IRS2: variants seen among roughly 807,000 people sequenced by gnomAD.
IRS2 encodes insulin receptor substrate 2.
A neutral mutation model predicts 70.9 loss-of-function variants in IRS2; 28 were observed. That is an observed-to-expected ratio of 0.39 (90% CI 0.29 to 0.54). The LOEUF (loss-of-function observed/expected upper bound fraction) is 0.54. IRS2 is among the 20% of genes least tolerant of loss of function. The pLI, the probability that IRS2 is intolerant of heterozygous loss-of-function variation, is 0.59. For synonymous variants in IRS2, 1,217 were observed against 981.9 expected (o/e 1.24, Z -4.48); for missense variants, 2,081 against 2,024.1 (o/e 1.03, Z -0.54).
intron 1 of IRS2, among the ~76,000 whole-genome samples, chr13:109,780,130 C>A (rs1877664264): frequency 6.6e-6 from 1 of 152,178 alleles, no homozygotes; most frequent in African/African-American, 2.4e-5. Context: ...ACCAGCTCCA[C>A]TGAAAGCAGG....
At chr13:109,773,525 T>C (rs1439348276) in intron 1 of IRS2, among the ~76,000 whole-genome samples, 1 of 152,226 alleles carries the variant, frequency 6.6e-6, no homozygotes, top group Non-Finnish European at 1.5e-5. Flanking sequence ...CCGCCTTCAA[T>C]TCTGCTAGAT....
rs781421239 is a variant in IRS2 at position 109,782,267 on chromosome 13, C to G, written c.3787G>C (p.Gly1263Arg). The G allele has an allele frequency of 7.5e-6, 12 of 1,609,036 alleles. No individual in the cohort carries two copies. The highest frequency in any genetic ancestry group is 9.3e-6 in the Non-Finnish European group (11 of 1,178,592). The change falls in exon 1 of 2, where the codon GGG (glycine) becomes CGG (arginine). Residue 1263 changes from glycine (G) to arginine (R), a missense_variant. Physicochemically the swap from Gly to Arg is moderately radical, Grantham distance 125. Coordinates refer to ENST00000375856, the MANE Select transcript of IRS2 (RefSeq NM_003749.3). The stretch of plus-strand genomic sequence containing the variant: ...GGCGGCTGCGGCTGGGGTGGCAGCC[C>G]GGGCTCCTCCCTCACGTCGATGGCG... ...YIAIDVREEPGLPPQPQPPPP... is the reference protein window; with the variant it reads ...YIAIDVREEPRLPPQPQPPPP...
At position 109,782,136 on chromosome 13, in the gene IRS2, G is replaced by A. The variant is rs767368180; in HGVS notation, c.3918C>T (p.Cys1306=). ...GCAGGGCACCGGGACCCGGCCCCCC[G>A]CACCCGCCGCCGGTGCTGCCGACGC... ...AVGVGSTGGG[C]GGPGPGALPP... The change falls in exon 1 of 2, where the codon TGC becomes TGT. Residue 1306 remains cysteine, a synonymous_variant. Coordinates refer to ENST00000375856, the MANE Select transcript of IRS2 (RefSeq NM_003749.3). The A allele has an allele frequency of 3.1e-6, 5 of 1,604,768 alleles. No individual in the cohort carries two copies. The highest frequency in any genetic ancestry group is 2.7e-5 in the African/African-American group (2 of 74,760).
At chr13:109,763,077 A>G (rs1243960461) in intron 1 of IRS2, among the ~76,000 whole-genome samples, 1 of 152,210 alleles carries the variant, frequency 6.6e-6, no homozygotes. Flanking sequence ...TGTGACAGAG[A>G]CTGCATGGCA....
rs565561954 is a variant in IRS2, at chr13:109,786,176, G to T, written c.-123C>A. On this transcript the variant is annotated 5_prime_UTR_variant, in exon 1 of 2. Coordinates refer to ENST00000375856, the MANE Select transcript of IRS2 (RefSeq NM_003749.3). This position sits in a 1 kb window ranked among gnomAD's most constrained non-coding sequence, Gnocchi z 4.4. ...CGCCCGGCCGCCCGCCCGATCACGCGTCCCTCGGGCCCAGGCGGTGGGGAA... is the reference window on the plus strand; with the variant it reads ...CGCCCGGCCGCCCGCCCGATCACGCTTCCCTCGGGCCCAGGCGGTGGGGAA... The T allele has an allele frequency of 1.6e-4, 74 of 472,628 alleles. 1 individual carries two copies. In the South Asian group the frequency reaches 6.1e-3, roughly 39 times the overall value. The allele number at this position is 472,628 out of a possible 1,614,324, so 29.3% of individuals were successfully genotyped here. A position where few individuals can be genotyped will look rare whatever the true frequency, so the allele number is the denominator to read the frequency against.
chr13:109,783,232 G>A lies in IRS2; in HGVS notation c.2822C>T (p.Ser941Leu), dbSNP rs1877779486. The stretch of plus-strand genomic sequence containing the variant: ...CAAGAGCGAGGAGGACGAGGCCGCC[G>A]ACGCCAGCAGGGGAGGCGCGGGCGG... Reference protein sequence around the residue: ...LSPPAPPLLASAASSSSLLSA... With the variant: ...LSPPAPPLLALAASSSSLLSA... The change falls in exon 1 of 2, where the codon TCG becomes TTG. Residue 941 changes from serine (S) to leucine (L), a missense_variant. By Grantham distance (145) the Ser-to-Leu change is moderately radical (BLOSUM62 -2). This residue lies in a region of IRS2 where 1,615 missense variants were observed against 1,459.5 expected (regional missense o/e 1.11). Transcript: ENST00000375856. 7 of 1,450,192 alleles carry A rather than the reference G, an allele frequency of 4.8e-6. No homozygotes were observed. The highest frequency in any genetic ancestry group is 1.9e-4 in the Middle Eastern group (1 of 5,282). The allele number at this position is 1,450,192 out of a possible 1,614,324, so 89.8% of individuals were successfully genotyped here.
chr13:109,769,699 C>T (rs796228767), intron 1 of IRS2, among the ~76,000 whole-genome samples: 3 of 152,214 alleles, frequency 2.0e-5, no homozygotes, highest in African/African-American at 7.2e-5. Flanking sequence ...AGGCAGACAG[C>T]TCACTGAAGA....
At chr13:109,779,596 T>A (rs1390113451) in intron 1 of IRS2, among the ~76,000 whole-genome samples, 1 of 152,254 alleles carries the variant, frequency 6.6e-6, no homozygotes, top group Non-Finnish European at 1.5e-5. Context: ...CCTTTCCTAT[T>A]CTGCTGTTCT....
At chr13:109,774,016 T>C (rs1431300535) in intron 1 of IRS2, among the ~76,000 whole-genome samples, 1 of 152,226 alleles carries the variant, frequency 6.6e-6, no homozygotes, top group Non-Finnish European at 1.5e-5. Flanking sequence ...AGCCTCTGTT[T>C]TCACAACCTT....
At chr13:109,756,653 T>C (rs1358398153) in intron 1 of IRS2, among the ~76,000 whole-genome samples, 1 of 152,220 alleles carries the variant, frequency 6.6e-6, no homozygotes, top group African/African-American at 2.4e-5. Flanking sequence ...TGCGTGTCTG[T>C]GTGATGGAAT....
In IRS2 at chr13:109,783,601, C is replaced by T. The variant is rs754539856; in HGVS notation, c.2453G>A (p.Gly818Glu). 3 of 1,547,694 alleles carry T rather than the reference C, an allele frequency of 1.9e-6. No homozygotes were observed. The highest frequency in any genetic ancestry group is 2.0e-5 in the Admixed American group (1 of 51,232). ...RSYKAPYTCG[G>E]DSDQYVLMSS... Reference sequence around the variant, plus strand: ...CATGAGCACGTACTGGTCGCTGTCCCCGCCACAGGTGTAGGGGGCCTTGTA... The same window carrying T: ...CATGAGCACGTACTGGTCGCTGTCCTCGCCACAGGTGTAGGGGGCCTTGTA... Residue 818 changes from glycine (G) to glutamate (E), a missense_variant, in exon 1 of 2, where the codon GGG becomes GAG. Around this residue, in one of 4 missense-constraint regions of IRS2, gnomAD observed 1,615 missense variants for 1,459.5 expected, o/e 1.11. Transcript: ENST00000375856.
chr13:109,778,039 A>C (rs906161754), intron 1 of IRS2, among the ~76,000 whole-genome samples: 6 of 152,228 alleles, frequency 3.9e-5, no homozygotes, highest in African/African-American at 1.4e-4. Flanking sequence ...ACCCATTTAC[A>C]AAAGTGTCTT....
chr13:109,784,159 T>C lies in IRS2; in HGVS notation c.1895A>G (p.Tyr632Cys). The C allele has an allele frequency of 6.3e-7, 1 of 1,590,266 alleles. No individual in the cohort carries two copies. The highest frequency in any genetic ancestry group is 1.1e-5 in the South Asian group (1 of 89,460). ...KVAYHPYPEDYGDIEIGSHRS... is the reference protein window; with the variant it reads ...KVAYHPYPEDCGDIEIGSHRS... ...GTGGGAGCCGATCTCGATGTCTCCG[T>C]AGTCCTCTGGGTAGGGGTGGTAGGC... Residue 632 changes from tyrosine (Y) to cysteine (C), a missense_variant, in exon 1 of 2, where the codon TAC becomes TGC. By Grantham distance (194) the Tyr-to-Cys change is radical. This residue lies in a region of IRS2 where 1,615 missense variants were observed against 1,459.5 expected (regional missense o/e 1.11). Transcript: ENST00000375856. This position sits in a 1 kb window ranked among gnomAD's most constrained non-coding sequence, Gnocchi z 5.2.
In IRS2 at chr13:109,783,249, C is replaced by G. The variant is rs1233896823; in HGVS notation, c.2805G>C (p.Ala935=). ...GEPGARLSPP[A]PPLLASAASS... is the part of the protein sequence containing the mutation. ...AGGCCGCCGACGCCAGCAGGGGAGG[C>G]GCGGGCGGCGACAGGCGGGCCCCGG... is the stretch of plus-strand genomic sequence containing the variant. Residue 935 remains alanine, a synonymous_variant, in exon 1 of 2, where the codon GCG becomes GCC. Coordinates refer to ENST00000375856, the MANE Select transcript of IRS2 (RefSeq NM_003749.3). 1.4e-6 allele frequency: 2 copies of G among 1,472,768 alleles called. No homozygotes were observed. The highest frequency in any genetic ancestry group is 1.5e-5 in the African/African-American group (1 of 68,122). 91.2% of individuals were successfully genotyped at this position (1,472,768 alleles called of 1,614,324 possible).
intron 1 of IRS2, among the ~76,000 whole-genome samples, chr13:109,774,540 G>C (rs1877528301): frequency 1.3e-5 from 2 of 152,052 alleles, no homozygotes; most frequent in Admixed American, 1.3e-4. Context: ...TTGAGGCAAG[G>C]GTCTAGGATA....
intron 1 of IRS2, among the ~76,000 whole-genome samples, chr13:109,759,842 T>C (rs9587980): frequency 0.035 from 5,289 of 152,094 alleles, 281 homozygotes; most frequent in African/African-American, 0.12. Context: ...GGCAACACGA[T>C]ACCTACCACC....
intron 1 of IRS2, among the ~76,000 whole-genome samples, chr13:109,772,728 GGCCA>G: frequency 7.1e-6 from 1 of 141,002 alleles, no homozygotes; most frequent in South Asian, 2.2e-4. Context: ...TCGCTCTGTC[GGCCA>G]GGCCGGACTG....
Position 109,782,770 on chromosome 13 carries a change from G to A in IRS2, c.3284C>T (p.Ala1095Val), listed in dbSNP as rs766846599. The change falls in exon 1 of 2, where the codon GCT becomes GTT. Residue 1095 changes from alanine (A) to valine (V), a missense_variant. Around this residue, in one of 4 missense-constraint regions of IRS2, gnomAD observed 1,615 missense variants for 1,459.5 expected, o/e 1.11. Coordinates refer to ENST00000375856, the MANE Select transcript of IRS2 (RefSeq NM_003749.3). ...CGACGTCGGGCTGGCCACGCGGGCAGCTTCTGGCTTCGGGGGGGCCGCGAT... is the reference window on the plus strand; with the variant it reads ...CGACGTCGGGCTGGCCACGCGGGCAACTTCTGGCTTCGGGGGGGCCGCGAT... ...QPIAAPPKPE[A>V]ARVASPTSGV... is the part of the protein sequence containing the mutation. 1.7e-5 allele frequency: 28 copies of A among 1,603,024 alleles called. No homozygotes were observed. Among genetic ancestry groups the A allele is most frequent in the Non-Finnish European group, 2.2e-5 (26 of 1,175,664 alleles).
chr13:109,783,363 C>G lies in IRS2; in HGVS notation c.2691G>C (p.Gly897=), dbSNP rs760377424. Reference sequence around the variant, plus strand: ...CGTGCATGCTGGGCAGGCTGGGCAGCCCCTCCAGGGACAGGCGCGTGGGCC... The same window carrying G: ...CGTGCATGCTGGGCAGGCTGGGCAGGCCCTCCAGGGACAGGCGCGTGGGCC... ...AVRPTRLSLE[G]LPSLPSMHEY... is the part of the protein sequence containing the mutation. The change falls in exon 1 of 2, where the codon GGG becomes GGC. Residue 897 remains glycine (G), a synonymous_variant. Transcript: ENST00000375856. 3.9e-6 allele frequency: 6 copies of G among 1,543,876 alleles called. No individual in the cohort carries two copies. The Admixed American group carries it at 9.4e-5, about 24-fold the overall frequency.
Sources: allele counts gnomAD v4.1 joint callset (sites outside exome capture counted in the v4.1 genomes callset), GRCh38; gene constraint gnomAD v4.1.1; regional missense constraint gnomAD v4.1.1; non-coding constraint Gnocchi (gnomAD v3.1); transcripts MANE v1.5; gene names NCBI Gene and HGNC (gene_info 2026-07-23, HGNC 2026-07-21).